Variants in HS6ST3 observed in about 807,000 individuals in gnomAD.
The protein encoded by HS6ST3 is heparan-sulfate 6-O-sulfotransferase 3.
In HS6ST3, 12 loss-of-function variants were observed where a neutral mutation model predicts 36.7. That is an observed-to-expected ratio of 0.33 (90% confidence interval 0.21 to 0.53). HS6ST3 has a LOEUF of 0.53. Among genes scored for constraint, HS6ST3 ranks in the 20% least tolerant of loss-of-function variants. HS6ST3 has a pLI of 0.95. For missense variants in HS6ST3, 584 were observed against 640.9 expected, an observed-to-expected ratio of 0.91 and a Z score of 0.96; for synonymous variants, 240 against 257.5, an observed-to-expected ratio of 0.93 and a Z score of 0.65.
intron 1 of HS6ST3, among the ~76,000 whole-genome samples, chr13:96,428,971 A>C (rs138521916): frequency 6.6e-6 from 1 of 152,360 alleles, no homozygotes; most frequent in African/African-American, 2.4e-5. Context: ...ATAAATGACT[A>C]TAAGAAAATC....
At chr13:96,515,354 A>C (rs888285376) in intron 1 of HS6ST3, among the ~76,000 whole-genome samples, 8 of 152,212 alleles carry the variant, frequency 5.3e-5, no homozygotes, top group African/African-American at 1.9e-4. Flanking sequence ...CATGATTTGA[A>C]GCACTCAGTT....
chr13:96,300,047 CTTTTTTTTTTTTT>C (rs11350737), intron 1 of HS6ST3, among the ~76,000 whole-genome samples: 17 of 74,522 alleles, frequency 2.3e-4, no homozygotes, highest in African/African-American at 8.2e-4. Flanking sequence ...AAGTGCTACA[CTTTTTTTTTTTTT>C]TTTTTTTTTT....
rs151127543 is a variant in HS6ST3, at chr13:96,243,014, A to G, written c.707+151445A>G. ...TGTAATTTTAATTTTTCTTATTTAC[A>G]AAAAAAGAAAGAGTTGAAATTGACT... is the stretch of plus-strand genomic sequence containing the variant. On this transcript the variant is annotated intron_variant, in intron 1 of 1. Transcript: ENST00000376705. Among the ~76,000 whole-genome samples the G allele has an allele frequency of 1.5e-3, 225 of 152,342 alleles. 1 individual carries two copies. The highest frequency in any genetic ancestry group is 2.4e-3 in the Non-Finnish European group (165 of 68,024).
At chr13:96,363,967 A>G (rs1347159393) in intron 1 of HS6ST3, among the ~76,000 whole-genome samples, 3 of 152,202 alleles carry the variant, frequency 2.0e-5, no homozygotes, top group Non-Finnish European at 4.4e-5. Context: ...AGAAAAATAC[A>G]CCTTTACAAA....
intron 1 of HS6ST3, among the ~76,000 whole-genome samples, chr13:96,806,489 G>T (rs1410394940): frequency 2.6e-5 from 4 of 152,178 alleles, no homozygotes; most frequent in African/African-American, 9.7e-5. Context: ...CTTCCTTGTG[G>T]CAACAGGTGA....
At chr13:96,663,010 C>G (rs951731686) in intron 1 of HS6ST3, among the ~76,000 whole-genome samples, 4 of 152,112 alleles carry the variant, frequency 2.6e-5, no homozygotes, top group African/African-American at 9.7e-5. Context: ...GGGATGCCTG[C>G]TGCCCTAAGT....
In HS6ST3 at chr13:96,685,226, G is replaced by A. The variant is rs528935408; in HGVS notation, c.708-147264G>A. 9.9e-5 allele frequency among the ~76,000 whole-genome samples: 15 copies of A among 152,128 alleles called. 2 individuals are homozygous for A. The highest frequency in any genetic ancestry group is 3.6e-4 in the African/African-American group (15 of 41,530). On this transcript the variant is annotated intron_variant, in intron 1 of 1. Coordinates refer to ENST00000376705, the MANE Select transcript of HS6ST3 (RefSeq NM_153456.4). ...GTTAAACTAATCATTTTGGCACTAC[G>A]TGGCCCAGATATTGATTATTTTGCT...
chr13:96,780,479 C>T (rs371795628), intron 1 of HS6ST3, among the ~76,000 whole-genome samples: 2 of 152,230 alleles, frequency 1.3e-5, no homozygotes, highest in African/African-American at 4.8e-5. Flanking sequence ...CTATTTCCTC[C>T]CTTAATCTAG....
At chr13:96,574,656 G>A (rs1386936436) in intron 1 of HS6ST3, among the ~76,000 whole-genome samples, 1 of 152,166 alleles carries the variant, frequency 6.6e-6, no homozygotes, top group Non-Finnish European at 1.5e-5. Context: ...TTAACTGAGG[G>A]GTGGTAGGTT....
chr13:96,230,513 C>A (rs74866843), intron 1 of HS6ST3, among the ~76,000 whole-genome samples: 5,373 of 152,134 alleles, frequency 0.035, 319 homozygotes, highest in African/African-American at 0.12. Flanking sequence ...TTGGGAGTTA[C>A]TCAGCATGAA....
intron 1 of HS6ST3, among the ~76,000 whole-genome samples, chr13:96,296,339 C>G (rs1468338560): frequency 6.6e-6 from 1 of 152,118 alleles, no homozygotes; most frequent in Admixed American, 6.6e-5. Flanking sequence ...TCAGCTCCTC[C>G]CTAGAGGAGC....
intron 1 of HS6ST3, among the ~76,000 whole-genome samples, chr13:96,117,573 A>G (rs2053899668): frequency 6.6e-6 from 1 of 152,184 alleles, no homozygotes; most frequent in South Asian, 2.1e-4. Flanking sequence ...AAGAAAACAT[A>G]ATATCTATGA....
chr13:96,779,226 G>A (rs942458971), intron 1 of HS6ST3, among the ~76,000 whole-genome samples: 1 of 151,774 alleles, frequency 6.6e-6, no homozygotes. Flanking sequence ...GTAGATGACG[G>A]GTTGATGGGT....
intron 1 of HS6ST3, among the ~76,000 whole-genome samples, chr13:96,768,920 G>A (rs78933970): frequency 0.025 from 3,867 of 152,064 alleles, 172 homozygotes; most frequent in African/African-American, 0.089. Context: ...AGATTCCTGG[G>A]CTAGACCCCA....
intron 1 of HS6ST3, among the ~76,000 whole-genome samples, chr13:96,667,070 T>C (rs1424150982): frequency 6.6e-6 from 1 of 152,208 alleles, no homozygotes; most frequent in African/African-American, 2.4e-5. Flanking sequence ...GTATTTCTTT[T>C]ATTTATGATA....
At chr13:96,256,600 C>T (rs558136125) in intron 1 of HS6ST3, among the ~76,000 whole-genome samples, 15 of 152,172 alleles carry the variant, frequency 9.9e-5, no homozygotes, top group African/African-American at 3.4e-4. Flanking sequence ...CTTTACAGGG[C>T]TTTGCACAAG....
intron 1 of HS6ST3, among the ~76,000 whole-genome samples, chr13:96,152,493 A>G (rs922111672): frequency 7.3e-5 from 11 of 151,146 alleles, no homozygotes; most frequent in African/African-American, 2.4e-4. Context: ...GCCCGCCACC[A>G]CGCCCGGCTA....
At chr13:96,671,738 A>G (rs2056683431) in intron 1 of HS6ST3, among the ~76,000 whole-genome samples, 1 of 151,958 alleles carries the variant, frequency 6.6e-6, no homozygotes, top group South Asian at 2.1e-4. Context: ...GTTATATTGA[A>G]TTAGGGCCTA....
intron 1 of HS6ST3, among the ~76,000 whole-genome samples, chr13:96,799,728 A>C (rs1283331368): frequency 1.3e-5 from 2 of 151,050 alleles, no homozygotes; most frequent in Non-Finnish European, 2.9e-5. Flanking sequence ...ACATGTATAC[A>C]TATGTAACTA....
Sources: allele counts gnomAD v4.1 joint callset (sites outside exome capture counted in the v4.1 genomes callset), GRCh38; gene constraint gnomAD v4.1.1; transcripts MANE v1.5; gene names NCBI Gene and HGNC (gene_info 2026-07-23, HGNC 2026-07-21).